Variants in PRMT3 observed in about 807,000 individuals in gnomAD.
PRMT3 encodes the protein protein arginine N-methyltransferase 3.
A neutral mutation model predicts 71.9 loss-of-function variants in PRMT3; 62 were observed. The observed-to-expected ratio is 0.86, with a 90% CI of 0.70 to 1.07. PRMT3 has a LOEUF of 1.07. Among genes scored for constraint, PRMT3 ranks in the 50% least tolerant of loss-of-function variants. PRMT3 has a pLI of 0.00. For missense variants in PRMT3, 663 were observed against 643.0 expected, an observed-to-expected ratio of 1.03 and a Z score of -0.34; for synonymous variants, 213 against 220.4, an observed-to-expected ratio of 0.97 and a Z score of 0.30.
chr11:20,394,842 C>G (rs1848790964), intron 5 of PRMT3, among the ~76,000 whole-genome samples: 1 of 152,048 alleles, frequency 6.6e-6, no homozygotes, highest in African/African-American at 2.4e-5. Context: ...TTGTGTCTGG[C>G]TTATTTTGCT....
At chr11:20,431,269 T>C (rs997234762) in intron 10 of PRMT3, among the ~76,000 whole-genome samples, 1 of 152,142 alleles carries the variant, frequency 6.6e-6, no homozygotes, top group Non-Finnish European at 1.5e-5. Context: ...AGAATGTTGC[T>C]CCAGAGGCAA....
chr11:20,449,354 C>G lies in PRMT3; in HGVS notation c.994-2776C>G, dbSNP rs577738586. ...AAATTCTAATCTTGTTTAATATGGTCTATGGAAAATTTTTCATTTTTGCAA... is the reference window on the plus strand; with the variant it reads ...AAATTCTAATCTTGTTTAATATGGTGTATGGAAAATTTTTCATTTTTGCAA... On this transcript the variant is annotated intron_variant, in intron 10 of 15. Coordinates refer to ENST00000331079, the MANE Select transcript of PRMT3 (RefSeq NM_005788.4). 2.0e-5 allele frequency among the ~76,000 whole-genome samples: 3 copies of G among 152,148 alleles called. No homozygotes were observed. The South Asian group carries it at 6.2e-4, about 32-fold the overall frequency.
At chr11:20,456,764 A>G (rs1482300141) in intron 11 of PRMT3, among the ~76,000 whole-genome samples, 1 of 152,224 alleles carries the variant, frequency 6.6e-6, no homozygotes, top group Non-Finnish European at 1.5e-5. Flanking sequence ...GATTGGATTG[A>G]ATGAATTTAT....
chr11:20,388,207 G>A, intron 2 of PRMT3, 53 bp downstream of exon 2: 2 of 1,608,036 alleles, frequency 1.2e-6, no homozygotes, highest in Non-Finnish European at 1.7e-6. Flanking sequence ...GGCGCGTGGG[G>A]TCTGTGTGCC....
chr11:20,449,276 A>G (rs1850097360), intron 10 of PRMT3, among the ~76,000 whole-genome samples: 1 of 152,178 alleles, frequency 6.6e-6, no homozygotes, highest in African/African-American at 2.4e-5. Context: ...AATAGTGGCT[A>G]AGGGCCAGTT....
Position 20,387,935 on chromosome 11 carries a change from G to A in PRMT3, c.29-84G>A, listed in dbSNP as rs1848631909. 1 of 1,599,562 alleles carries A rather than the reference G, an allele frequency of 6.3e-7. No individual in the cohort carries two copies. The highest frequency in any genetic ancestry group is 1.7e-5 in the Admixed American group (1 of 58,754). On this transcript the variant is annotated intron_variant, in intron 1 of 15. Coordinates refer to ENST00000331079, the MANE Select transcript of PRMT3 (RefSeq NM_005788.4). This position sits in a 1 kb window ranked among gnomAD's most constrained non-coding sequence, Gnocchi z 4.3. ...GAGGGCCGCGGGCGAACGGGGCGGA[G>A]GAGAGCCCATCGTCACCTGCTCCTC... is the stretch of plus-strand genomic sequence containing the variant.
chr11:20,407,873 A>G (rs1849105342), intron 8 of PRMT3, 38 bp from the exon 9 acceptor site: 2 of 1,550,686 alleles, frequency 1.3e-6, no homozygotes, highest in Non-Finnish European at 1.8e-6. Context: ...CTTTTTGATA[A>G]CATCTGTTTT....
At position 20,393,010 on chromosome 11, in the gene PRMT3, C is replaced by T. The variant is rs190811427; in HGVS notation, c.400+11C>T. ...TTTTACTTCAATTTGGTAAGATGAA[C>T]ATAAGTGTATCTCCTTTAATTAACA... On this transcript the variant is annotated intron_variant, in intron 5 of 15. Coordinates refer to ENST00000331079, the MANE Select transcript of PRMT3 (RefSeq NM_005788.4). 9.7e-5 allele frequency: 147 copies of T among 1,509,070 alleles called. 2 individuals carry two copies. The East Asian group carries it at 2.6e-3, about 26-fold the overall frequency. 93.5% of individuals were successfully genotyped at this position (1,509,070 alleles called of 1,614,324 possible).
At chr11:20,390,687 T>C (rs1592328697) in intron 3 of PRMT3, among the ~76,000 whole-genome samples, 1 of 152,222 alleles carries the variant, frequency 6.6e-6, no homozygotes, top group Non-Finnish European at 1.5e-5. Flanking sequence ...TACAATAAAA[T>C]TAACTAAATA....
intron 7 of PRMT3, among the ~76,000 whole-genome samples, chr11:20,399,184 T>G (rs1452392009): frequency 6.6e-6 from 1 of 152,226 alleles, no homozygotes; most frequent in Non-Finnish European, 1.5e-5. Flanking sequence ...TATCCCTTTC[T>G]AAATCCTTCT....
At chr11:20,447,045 T>G (rs1850046434) in intron 10 of PRMT3, among the ~76,000 whole-genome samples, 1 of 152,164 alleles carries the variant, frequency 6.6e-6, no homozygotes, top group Non-Finnish European at 1.5e-5. Flanking sequence ...GGTCAAGTGA[T>G]AGACTGGGGA....
At position 20,388,101 on chromosome 11, in the gene PRMT3, C is replaced by T. The variant is rs1402789014; in HGVS notation, c.111C>T (p.Asp37=). 3.7e-6 allele frequency: 6 copies of T among 1,614,006 alleles called. 1 individual carries two copies. The South Asian group carries it at 4.4e-5, about 12-fold the overall frequency. The change falls in exon 2 of 16, where the codon GAC becomes GAT. Residue 37 remains aspartate (D), a synonymous_variant. Transcript: ENST00000331079. Reference sequence around the variant, plus strand: ...ACGAGGCCGCCTGGGAGGATGAGGACGATGCAGATCTCCCCCACGGCAAGC... The same window carrying T: ...ACGAGGCCGCCTGGGAGGATGAGGATGATGCAGATCTCCCCCACGGCAAGC... ...SGDEAAWEDE[D]DADLPHGKQQ...
intron 15 of PRMT3, among the ~76,000 whole-genome samples, chr11:20,502,888 A>G (rs1200609041): frequency 6.6e-6 from 1 of 152,162 alleles, no homozygotes; most frequent in Non-Finnish European, 1.5e-5. Context: ...GATGGTAGTT[A>G]AATAAATAGT....
At chr11:20,498,549 C>T (rs111957783) in intron 15 of PRMT3, among the ~76,000 whole-genome samples, 1 of 152,090 alleles carries the variant, frequency 6.6e-6, no homozygotes, top group African/African-American at 2.4e-5. Flanking sequence ...GGCAACATGG[C>T]GAAATCCCAT....
At chr11:20,447,170 A>G (rs773395606) in intron 10 of PRMT3, among the ~76,000 whole-genome samples, 2 of 151,898 alleles carry the variant, frequency 1.3e-5, no homozygotes, top group Non-Finnish European at 2.9e-5. Context: ...CTTTTTTTTT[A>G]AGCAGAGAAC....
chr11:20,398,946 G>A (rs1020169242), intron 7 of PRMT3, among the ~76,000 whole-genome samples: 4 of 151,960 alleles, frequency 2.6e-5, no homozygotes, highest in African/African-American at 9.7e-5. Context: ...TTTTTATAAC[G>A]GTAATATCCA....
intron 13 of PRMT3, among the ~76,000 whole-genome samples, chr11:20,470,464 T>C (rs1850616937): frequency 6.6e-6 from 1 of 152,196 alleles, no homozygotes; most frequent in African/African-American, 2.4e-5. Context: ...CAGCTCTCAC[T>C]TATAAGTGAG....
intron 9 of PRMT3, among the ~76,000 whole-genome samples, chr11:20,409,709 T>C (rs1039860264): frequency 6.6e-6 from 1 of 150,698 alleles, no homozygotes; most frequent in Non-Finnish European, 1.5e-5. Flanking sequence ...TTTGCAATTA[T>C]AGAATTACAC....
intron 13 of PRMT3, among the ~76,000 whole-genome samples, chr11:20,472,389 T>C (rs1315215487): frequency 6.6e-6 from 1 of 151,884 alleles, no homozygotes; most frequent in Non-Finnish European, 1.5e-5. Context: ...TACCTAGTTT[T>C]AGAGTGTTTA....
Sources: gnomAD v4.1 joint callset for allele counts (sites outside exome capture counted in the v4.1 genomes callset) on GRCh38, gnomAD v4.1.1 for gene constraint, Gnocchi (gnomAD v3.1) non-coding constraint, MANE v1.5 for transcripts, NCBI Gene and HGNC (gene_info 2026-07-23, HGNC 2026-07-21) for gene names.